PUM3: variants seen among roughly 807,000 people sequenced by gnomAD.
PUM3 encodes the protein pumilio homolog 3.
PUM3 carries 91 observed loss-of-function variants against 84.0 expected under a neutral mutation model. The observed-to-expected ratio is 1.08, with a 90% CI of 0.91 to 1.29. The LOEUF is 1.29. PUM3 is among the 50% of genes most tolerant of loss of function. The probability of loss-of-function intolerance (pLI) is 0.00; values close to 1 mark genes in which losing one functional copy is unlikely to be tolerated. For missense variants in PUM3, 1,067 were observed against 767.5 expected (o/e 1.39, Z -4.61); for synonymous variants, 321 against 266.7 (o/e 1.20, Z -1.98).
intron 3 of PUM3, among the ~76,000 whole-genome samples, chr9:2,834,981 CT>C (rs1162739096): frequency 2.7e-5 from 4 of 149,600 alleles, no homozygotes; most frequent in African/African-American, 7.4e-5. Context: ...TTCTAACTAT[CT>C]CCCTGTCTCT....
chr9:2,841,979 G>A (rs1427608561), intron 1 of PUM3, among the ~76,000 whole-genome samples: 1 of 152,134 alleles, frequency 6.6e-6, no homozygotes, highest in Admixed American at 6.5e-5. Flanking sequence ...AAGTCCCCTG[G>A]TACAGCTCCT....
chr9:2,812,300 G>A lies in PUM3; in HGVS notation c.1332C>T (p.Tyr444=). ...GTGCAGGATCTCTGGGGCTTAGTAA[G>A]TACAATAGGACCTTCCTTCCATATT... is the stretch of plus-strand genomic sequence containing the variant. ...NDKYGRKVLL[Y]LLSPRDPAHT... is the part of the protein sequence containing the mutation. The change falls in exon 14 of 18, where the codon TAC becomes TAT. Residue 444 remains tyrosine (Y), a synonymous_variant. Transcript: ENST00000397885. 1.2e-6 allele frequency: 2 copies of A among 1,604,304 alleles called. No homozygotes were observed. Among genetic ancestry groups the A allele is most frequent in the Middle Eastern group, 1.7e-4 (1 of 6,042 alleles).
At chr9:2,837,157 G>C (rs1249766070) in intron 3 of PUM3, 23 bp downstream of exon 3, 5 of 1,585,262 alleles carry the variant, frequency 3.2e-6, no homozygotes, top group African/African-American at 1.3e-5. Context: ...CACTAGTTCA[G>C]GCATGAACGA....
intron 13 of PUM3, among the ~76,000 whole-genome samples, chr9:2,817,361 G>T (rs565679786): frequency 3.9e-5 from 6 of 152,036 alleles, no homozygotes; most frequent in Non-Finnish European, 8.8e-5. Context: ...GCTAATAATG[G>T]TTTTTACATT....
chr9:2,842,443 T>A (rs1338947974), intron 1 of PUM3, among the ~76,000 whole-genome samples: 1 of 152,170 alleles, frequency 6.6e-6, no homozygotes, highest in African/African-American at 2.4e-5. Flanking sequence ...TTCACCCCAC[T>A]CATCACCACC....
At chr9:2,825,601 G>C (rs947050379) in intron 10 of PUM3, among the ~76,000 whole-genome samples, 2 of 151,928 alleles carry the variant, frequency 1.3e-5, no homozygotes, top group African/African-American at 4.8e-5. Flanking sequence ...TCCTGCCTCA[G>C]CCTCCCGAGT....
At chr9:2,826,775 T>C (rs532693346) in intron 10 of PUM3, among the ~76,000 whole-genome samples, 1 of 152,330 alleles carries the variant, frequency 6.6e-6, no homozygotes, top group East Asian at 1.9e-4. Context: ...TGCTTGAATA[T>C]TCCTCCACGA....
chr9:2,826,005 T>G (rs1159681346), intron 10 of PUM3, among the ~76,000 whole-genome samples: 1 of 152,160 alleles, frequency 6.6e-6, no homozygotes, highest in African/African-American at 2.4e-5. Context: ...CAAGAGCAGT[T>G]TCAACTAACA....
chr9:2,804,424 G>C lies in PUM3; in HGVS notation c.1854C>G (p.Val618=). The change falls in exon 18 of 18, where the codon GTC becomes GTG. Residue 618 remains valine (V), a synonymous_variant. Transcript: ENST00000397885. The part of the protein sequence containing the change: ...QSCDLEVANK[V]KAALKSLIPT... ...GAATCAAGCTTTTCAGTGCAGCTTT[G>C]ACTTTGTTTGCAACTTCCAGGTCAC... 6.2e-7 allele frequency: 1 copy of C among 1,613,840 alleles called. No individual in the cohort carries two copies. Among genetic ancestry groups the C allele is most frequent in the Non-Finnish European group, 8.5e-7 (1 of 1,179,886 alleles).
intron 13 of PUM3, among the ~76,000 whole-genome samples, chr9:2,814,571 GCCTTTAGTGTA>G (rs1563827223): frequency 6.6e-6 from 1 of 152,096 alleles, no homozygotes; most frequent in African/African-American, 2.4e-5. Context: ...CCTTGAGTGT[GCCTTTAGTGTA>G]CCTTTAGGTA....
At position 2,817,906 on chromosome 9, in the gene PUM3, C is replaced by T. The variant is rs186005647; in HGVS notation, c.1269+2112G>A. 1.3e-3 allele frequency among the ~76,000 whole-genome samples: 199 copies of T among 152,240 alleles called. 5 individuals are homozygous for T. In the South Asian group the frequency reaches 0.021, roughly 16 times the overall value. ...GCTAGTATACTTATTTACTTTCCAG[C>T]GACCATTGCTGTCAAACCGTCTGCA... is the stretch of plus-strand genomic sequence containing the variant. On this transcript the variant is annotated intron_variant, in intron 13 of 17. Transcript: ENST00000397885.
chr9:2,811,282 A>G, intron 15 of PUM3, 79 bp downstream of exon 15: 1 of 1,168,676 alleles, frequency 8.6e-7, no homozygotes, highest in Non-Finnish European at 1.3e-6. Context: ...CAGCTTTCTT[A>G]CTGACACCCC....
rs1039470988 is a variant in PUM3, at chr9:2,829,870, T to C, written c.756A>G (p.Ser252=). 3 of 1,614,080 alleles carry C rather than the reference T, an allele frequency of 1.9e-6. No individual in the cohort carries two copies. The highest frequency in any genetic ancestry group is 3.3e-5 in the Admixed American group (2 of 60,028). ...VRKMLRHAEA[S]AIVEYAYNDK... ...CATTGTATGCGTACTCCACGATGGC[T>C]GATGCTTCCGCATGCCGCAGCATCT... The change falls in exon 8 of 18, where the codon TCA becomes TCG. Residue 252 remains serine, a synonymous_variant. Transcript: ENST00000397885.
At chr9:2,824,860 T>G (rs1236462314) in intron 10 of PUM3, 45 bp from the exon 11 acceptor site, 1 of 1,327,590 alleles carries the variant, frequency 7.5e-7, no homozygotes, top group Admixed American at 2.3e-5. Context: ...CTTTATTTTC[T>G]TCTTTCTACT....
chr9:2,824,623 G>T, intron 11 of PUM3, 94 bp downstream of exon 11: 1 of 723,958 alleles, frequency 1.4e-6, no homozygotes, highest in Non-Finnish European at 2.0e-6. Flanking sequence ...AAGACCAAAG[G>T]GGGTTAAAAG....
chr9:2,821,447 A>C (rs973833770), intron 12 of PUM3, among the ~76,000 whole-genome samples: 3 of 145,770 alleles, frequency 2.1e-5, no homozygotes, highest in Non-Finnish European at 3.0e-5. Flanking sequence ...CTGTCTCAAA[A>C]AAAAAAAAAA....
intron 5 of PUM3, among the ~76,000 whole-genome samples, chr9:2,831,773 T>C (rs1218087514): frequency 1.3e-5 from 2 of 152,206 alleles, no homozygotes; most frequent in African/African-American, 2.4e-5. Flanking sequence ...CAACCAGAAG[T>C]ATACCTGTAA....
At chr9:2,821,468 TGAA>T (rs1160887232) in intron 12 of PUM3, among the ~76,000 whole-genome samples, 2 of 94,550 alleles carry the variant, frequency 2.1e-5, no homozygotes, top group Non-Finnish European at 4.7e-5. Context: ...AAAAAGAACA[TGAA>T]GAGTCAGATC....
Position 2,804,244 on chromosome 9 carries a change from T to C in PUM3, c.*87A>G. 7.5e-7 allele frequency: 1 copy of C among 1,335,226 alleles called. No individual in the cohort carries two copies. Among genetic ancestry groups the C allele is most frequent in the Non-Finnish European group, 1.0e-6 (1 of 963,572 alleles). The allele number at this position is 1,335,226 out of a possible 1,614,324, so 82.7% of individuals were successfully genotyped here. ...ATACAGAGTACCCCAATTACCAGTA[T>C]GGTGGACCCTACCCCTTCTTTTCTG... On this transcript the variant is annotated 3_prime_UTR_variant, in exon 18 of 18. Transcript: ENST00000397885.
Sources: allele counts gnomAD v4.1 joint callset (sites outside exome capture counted in the v4.1 genomes callset), GRCh38; gene constraint gnomAD v4.1.1; transcripts MANE v1.5; gene names NCBI Gene and HGNC (gene_info 2026-07-23, HGNC 2026-07-21).